EFR3A: variants seen among roughly 807,000 people sequenced by gnomAD.
The protein encoded by EFR3A is EFR3 homolog A, also known as protein EFR3 homolog A.
A neutral mutation model predicts 104.4 loss-of-function variants in EFR3A; 76 were observed. That is an observed-to-expected ratio of 0.73 (90% confidence interval 0.60 to 0.88). The LOEUF (loss-of-function observed/expected upper bound fraction) is 0.88. Among genes scored for constraint, EFR3A ranks in the 40% least tolerant of loss-of-function variants. EFR3A has a pLI of 0.00. For missense variants in EFR3A, 985 were observed against 1,012.5 expected, an observed-to-expected ratio of 0.97 and a Z score of 0.37; for synonymous variants, 330 against 330.0, an observed-to-expected ratio of 1.00 and a Z score of 0.00.
chr8:131,973,714 T>G (rs185347576), intron 10 of EFR3A, among the ~76,000 whole-genome samples: 1 of 152,324 alleles, frequency 6.6e-6, no homozygotes, highest in African/African-American at 2.4e-5. Flanking sequence ...CTTTAAGTTA[T>G]CAGGCTGTTG....
intron 10 of EFR3A, among the ~76,000 whole-genome samples, chr8:131,975,495 C>T (rs544730147): frequency 4.6e-4 from 67 of 145,436 alleles, no homozygotes; most frequent in South Asian, 1.7e-3. Context: ...TGGCTCACCG[C>T]GACCTCCACC....
At chr8:131,975,166 A>G (rs1031565889) in intron 10 of EFR3A, among the ~76,000 whole-genome samples, 2 of 152,202 alleles carry the variant, frequency 1.3e-5, no homozygotes, top group African/African-American at 4.8e-5. Context: ...TTATTTACTT[A>G]TTTTTTACAT....
chr8:131,911,246 GTCTT>G (rs1816498344), intron 1 of EFR3A, among the ~76,000 whole-genome samples: 1 of 152,148 alleles, frequency 6.6e-6, no homozygotes, highest in South Asian at 2.1e-4. Flanking sequence ...ATATAAGTAT[GTCTT>G]TCTTCTGCTT....
chr8:131,934,816 CAT>C (rs1817795186), intron 1 of EFR3A, among the ~76,000 whole-genome samples: 1 of 152,012 alleles, frequency 6.6e-6, no homozygotes, highest in South Asian at 2.1e-4. Context: ...TATACACACA[CAT>C]ACACACATAT....
chr8:131,937,231 T>G (rs1052212698), intron 1 of EFR3A, among the ~76,000 whole-genome samples: 29 of 152,218 alleles, frequency 1.9e-4, no homozygotes, highest in African/African-American at 6.7e-4. Context: ...TATGTAAAAT[T>G]TACTCATAAA....
In EFR3A at chr8:132,012,337, A is replaced by C. The variant is rs1822383988; in HGVS notation, c.*1442A>C. On this transcript the variant is annotated 3_prime_UTR_variant, in exon 23 of 23. Coordinates refer to ENST00000254624, the MANE Select transcript of EFR3A (RefSeq NM_015137.6). ...AAGGAAACGATAATAGGACAAGCAT[A>C]CTTGAAAATTTCTGAATACTTAAAC... 6.6e-6 allele frequency: 1 copy of C among 152,192 alleles called. No homozygotes were observed. 9.4% of individuals were successfully genotyped at this position (152,192 alleles called of 1,614,324 possible). A position where few individuals can be genotyped will look rare whatever the true frequency, so the allele number is the denominator to read the frequency against.
chr8:131,952,470 C>T (rs942971712), intron 5 of EFR3A, among the ~76,000 whole-genome samples: 2 of 152,132 alleles, frequency 1.3e-5, no homozygotes, highest in African/African-American at 4.8e-5. Flanking sequence ...AAGGGCACCG[C>T]TATCTGCTGC....
chr8:131,957,298 A>G (rs1045679958), intron 7 of EFR3A, among the ~76,000 whole-genome samples: 6 of 151,984 alleles, frequency 3.9e-5, no homozygotes, highest in Admixed American at 2.0e-4. Flanking sequence ...AAAGTGCTCT[A>G]GCAGATCAAA....
At position 131,904,433 on chromosome 8, in the gene EFR3A, G is replaced by A. The variant is rs1816137940; in HGVS notation, c.10+111G>A. On this transcript the variant is annotated intron_variant, in intron 1 of 22. Transcript: ENST00000254624. ...GGGAGGCTGGGCCGCGCTGAGCAGA[G>A]CCAGGAAGTGTCTGCGAGCGGCGGA... 2.9e-6 allele frequency: 3 copies of A among 1,037,044 alleles called. No individual in the cohort carries two copies. In the South Asian group the frequency reaches 1.4e-4, roughly 50 times the overall value. 64.2% of individuals were successfully genotyped at this position (1,037,044 alleles called of 1,614,324 possible).
chr8:132,010,450 A>ATATATATATATATATAT (rs1822286046), intron 22 of EFR3A, among the ~76,000 whole-genome samples: 16 of 137,160 alleles, frequency 1.2e-4, no homozygotes, highest in African/African-American at 3.5e-4. Flanking sequence ...ATATATATAT[A>ATATATATATATATATAT]ATGAAATACC....
chr8:132,006,353 A>C (rs1410598386), intron 22 of EFR3A, among the ~76,000 whole-genome samples: 1 of 152,112 alleles, frequency 6.6e-6, no homozygotes, highest in Admixed American at 6.5e-5. Context: ...GAAAACACAG[A>C]TTACCAATAT....
chr8:131,971,312 T>C (rs7005256), intron 10 of EFR3A, among the ~76,000 whole-genome samples: 6,297 of 152,294 alleles, frequency 0.041, 319 homozygotes, highest in East Asian at 0.12. Flanking sequence ...ATTTCCATTA[T>C]GACATGGACA....
chr8:131,980,431 G>A (rs953616649), intron 14 of EFR3A, among the ~76,000 whole-genome samples: 2 of 152,078 alleles, frequency 1.3e-5, no homozygotes, highest in South Asian at 4.1e-4. Context: ...AAATAGGACA[G>A]ATACATTAAT....
intron 10 of EFR3A, among the ~76,000 whole-genome samples, chr8:131,975,067 T>G (rs1820253519): frequency 6.6e-6 from 1 of 152,220 alleles, no homozygotes; most frequent in Non-Finnish European, 1.5e-5. Context: ...ATAAATCTTT[T>G]GTGACCAGGA....
chr8:131,930,733 A>T (rs1817553274), intron 1 of EFR3A, among the ~76,000 whole-genome samples: 1 of 152,090 alleles, frequency 6.6e-6, no homozygotes, highest in Non-Finnish European at 1.5e-5. Context: ...CACAAATACC[A>T]GCTCCCTGTT....
chr8:131,965,251 G>A (rs201110663), intron 8 of EFR3A, among the ~76,000 whole-genome samples: 8 of 151,966 alleles, frequency 5.3e-5, no homozygotes, highest in South Asian at 2.1e-4. Flanking sequence ...CTGCACAGCA[G>A]AAGAAACTAC....
Position 131,953,761 on chromosome 8 carries a change from T to C in EFR3A, c.489-57T>C. ...TCCATTCTCTTAGCTACGCAAACAG[T>C]CTTGTTTAAATAATTTTTTTATGGC... On this transcript the variant is annotated intron_variant, in intron 5 of 22. Transcript: ENST00000254624. 3 of 1,440,664 alleles carry C rather than the reference T, an allele frequency of 2.1e-6. No homozygotes were observed. The Middle Eastern group carries it at 5.8e-4, about 277-fold the overall frequency. The allele number at this position is 1,440,664 out of a possible 1,614,324, so 89.2% of individuals were successfully genotyped here.
At chr8:131,919,324 G>A (rs1816886187) in intron 1 of EFR3A, among the ~76,000 whole-genome samples, 1 of 152,134 alleles carries the variant, frequency 6.6e-6, no homozygotes, top group Non-Finnish European at 1.5e-5. Context: ...TTGGCCGGGT[G>A]CAGTGGCTCA....
intron 10 of EFR3A, among the ~76,000 whole-genome samples, chr8:131,975,133 GC>G (rs1393098457): frequency 6.6e-6 from 1 of 152,098 alleles, no homozygotes; most frequent in Non-Finnish European, 1.5e-5. Flanking sequence ...AAACTAGACT[GC>G]ATAAGAAAAA....
Sources: allele counts gnomAD v4.1 joint callset (sites outside exome capture counted in the v4.1 genomes callset), GRCh38; gene constraint gnomAD v4.1.1; transcripts MANE v1.5; gene names NCBI Gene and HGNC (gene_info 2026-07-23, HGNC 2026-07-21).